PRDM8: variants seen among roughly 807,000 people sequenced by gnomAD.
PRDM8 encodes PR/SET domain 8, also known as PR domain zinc finger protein 8.
A neutral mutation model predicts 46.5 loss-of-function variants in PRDM8; 13 were observed. The ratio of observed to expected loss-of-function variants is 0.28; its 90% CI spans 0.18 to 0.44. The LOEUF (loss-of-function observed/expected upper bound fraction) is 0.44, where lower values mean the gene tolerates loss of function less well. Among genes scored for constraint, PRDM8 ranks in the 20% least tolerant of loss-of-function variants. PRDM8 has a pLI of 1.00. For synonymous variants in PRDM8, 473 were observed against 438.4 expected, an observed-to-expected ratio of 1.08 and a Z score of -0.98; for missense variants, 998 against 955.0, an observed-to-expected ratio of 1.04 and a Z score of -0.59.
upstream of PRDM8, chr4:80,195,949 AGAGAGAGAG>A: frequency 2.0e-6 from 1 of 489,614 alleles, no homozygotes; most frequent in Non-Finnish European, 2.6e-6. Flanking sequence ...AGAGAGAGAG[AGAGAGAGAG>A]AACAAGGAAG....
chr4:80,198,994 G>GT (rs1310531623), intron 1 of PRDM8, among the ~76,000 whole-genome samples: 100 of 63,520 alleles, frequency 1.6e-3, no homozygotes, highest in South Asian at 6.1e-3. Flanking sequence ...TTTTTTTTTT[G>GT]TTTTTTTTTT....
intron 3 of PRDM8, 135 bp downstream of exon 3, chr4:80,201,656 T>A (rs1036248714): frequency 1.0e-6 from 1 of 995,572 alleles, no homozygotes; most frequent in African/African-American, 1.6e-5. Context: ...TGAGATGTAG[T>A]CTGGAATGAA....
chr4:80,198,441 G>C (rs1289978546), intron 1 of PRDM8, among the ~76,000 whole-genome samples: 1 of 152,226 alleles, frequency 6.6e-6, no homozygotes, highest in East Asian at 1.9e-4. Context: ...CGTTGAAAAG[G>C]AGATAAGAGG....
chr4:80,197,182 A>G (rs1578254342), upstream of PRDM8: 2 of 985,368 alleles, frequency 2.0e-6, no homozygotes, highest in East Asian at 2.3e-4. Flanking sequence ...CCAAGTGCCT[A>G]GTGAAACGGG....
intron 1 of PRDM8, chr4:80,191,400 G>A (rs1737532044): frequency 6.6e-6 from 1 of 152,056 alleles, no homozygotes; most frequent in Admixed American, 6.6e-5. Flanking sequence ...TTATTTCTTT[G>A]AAAAATATGA....
At chr4:80,187,688 G>A (rs190456501) in intron 1 of PRDM8, among the ~76,000 whole-genome samples, 15 of 152,260 alleles carry the variant, frequency 9.9e-5, no homozygotes, top group Admixed American at 7.8e-4. Context: ...CGCGTCTGTT[G>A]TTGGGTTATG....
At chr4:80,201,855 TGTGCGTGTGTGTGTGTGTGTGCGTGC>T (rs1256779451) in intron 3 of PRDM8, 33 bp from the exon 4 acceptor site, 44 of 1,599,014 alleles carry the variant, frequency 2.8e-5, no homozygotes, top group Admixed American at 6.7e-5. Flanking sequence ...AATCATGTGG[TGTGCGTGTGTGTGTGTGTGTGCGTGC>T]GTGCGTGTGT....
At chr4:80,192,873 C>A (rs749883421), upstream of PRDM8, among the ~76,000 whole-genome samples, 3 of 152,112 alleles carry the variant, frequency 2.0e-5, no homozygotes, top group Non-Finnish European at 4.4e-5. Flanking sequence ...TACTCAGAGG[C>A]CATTAAGCCA....
Position 80,204,008 on chromosome 4 carries a change from G to A in PRDM8, c.*476G>A, listed in dbSNP as rs1487447337. On this transcript the variant is annotated 3_prime_UTR_variant, in exon 4 of 4. Coordinates refer to ENST00000415738, the MANE Select transcript of PRDM8 (RefSeq NM_001099403.2). ...ATTTTAGATATAAAGTAAAGGAGGA[G>A]GGTGAGATGCTTTCTGCATTTCTTG... The A allele has an allele frequency of 2.0e-5, 3 of 152,896 alleles. No individual in the cohort carries two copies. The highest frequency in any genetic ancestry group is 7.2e-5 in the African/African-American group (3 of 41,404). The allele number at this position is 152,896 out of a possible 1,614,324, so 9.5% of individuals were successfully genotyped here.
Position 80,200,211 on chromosome 4 carries a change from G to A in PRDM8, c.131G>A (p.Cys44Tyr), listed in dbSNP as rs746838534. ...DIPENAIFGP[C>Y]VLSHTSLYDS... ...CCTGAGAATGCTATATTTGGTCCCT[G>A]TGTCCTGAGCCATACTTCCCTATAT... is the stretch of plus-strand genomic sequence containing the variant. Residue 44 changes from cysteine to tyrosine, a missense_variant, in exon 2 of 4, where the codon TGT becomes TAT. Physicochemically the swap from Cys to Tyr is radical, Grantham distance 194. Coordinates refer to ENST00000415738, the MANE Select transcript of PRDM8 (RefSeq NM_001099403.2). 1.9e-6 allele frequency: 3 copies of A among 1,614,080 alleles called. No homozygotes were observed. In the South Asian group the frequency reaches 3.3e-5, roughly 18 times the overall value.
chr4:80,199,494 G>A (rs1738255075), intron 1 of PRDM8, among the ~76,000 whole-genome samples: 1 of 152,072 alleles, frequency 6.6e-6, no homozygotes, highest in African/African-American at 2.4e-5. Flanking sequence ...TAGTGGCCCT[G>A]ACATTCCACT....
intron 1 of PRDM8, among the ~76,000 whole-genome samples, chr4:80,187,244 T>TG (rs1234830907): frequency 0.09 from 8,083 of 89,790 alleles, 1,389 homozygotes; most frequent in African/African-American, 0.33. Flanking sequence ...TTCTCTGCCC[T>TG]GGGGCGGGGG....
Position 80,202,154 on chromosome 4 carries a change from G to A in PRDM8, c.692G>A (p.Gly231Asp). The A allele has an allele frequency of 6.2e-7, 1 of 1,610,040 alleles. No homozygotes were observed. Among genetic ancestry groups the A allele is most frequent in the Non-Finnish European group, 8.5e-7 (1 of 1,179,156 alleles). ...CCGGGTCCCAAGTTTTGCAAAGCCG[G>A]CCCCCTCCACCACTACCCATCCCCC... ...LGPGPKFCKAGPLHHYPSPSP... is the reference protein window; with the variant it reads ...LGPGPKFCKADPLHHYPSPSP... Residue 231 changes from glycine (G) to aspartate (D), a missense_variant, in exon 4 of 4, where the codon GGC (glycine) becomes GAC (aspartate). Transcript: ENST00000415738.
chr4:80,190,683 C>A (rs76719495), intron 1 of PRDM8, among the ~76,000 whole-genome samples: 1 of 152,186 alleles, frequency 6.6e-6, no homozygotes, highest in African/African-American at 2.4e-5. Context: ...AAGACATGGG[C>A]ACCGGACAAT....
chr4:80,200,065 G>A lies in PRDM8; in HGVS notation c.-2-14G>A. The A allele has an allele frequency of 6.3e-7, 1 of 1,598,244 alleles. No individual in the cohort carries two copies. Among genetic ancestry groups the A allele is most frequent in the African/African-American group, 1.3e-5 (1 of 74,662 alleles). The stretch of plus-strand genomic sequence containing the variant: ...AACATAACTCACTTTCTTGTGCTGT[G>A]TGTCTATCTCCAGTGATGGAGGATA... On this transcript the variant is annotated splice_polypyrimidine_tract_variant and intron_variant, in intron 1 of 3. Coordinates refer to ENST00000415738, the MANE Select transcript of PRDM8 (RefSeq NM_001099403.2).
upstream of PRDM8, among the ~76,000 whole-genome samples, chr4:80,193,554 C>T (rs1344140674): frequency 6.6e-6 from 1 of 152,168 alleles, no homozygotes; most frequent in African/African-American, 2.4e-5. Context: ...ATTGACCAGC[C>T]CATCATTTCT....
chr4:80,200,044 T>A, intron 1 of PRDM8, 35 bp from the exon 2 acceptor site: 1 of 1,554,686 alleles, frequency 6.4e-7, no homozygotes. Context: ...AGCAGTAACA[T>A]AACTCACTTT....
chr4:80,197,279 T>G, upstream of PRDM8: 1 of 978,830 alleles, frequency 1.0e-6, no homozygotes, highest in Non-Finnish European at 1.2e-6. Flanking sequence ...GGCCCGAGCT[T>G]TAGGAGGAGG....
At chr4:80,199,709 A>ATATATG (rs370819149) in intron 1 of PRDM8, among the ~76,000 whole-genome samples, 6 of 132,976 alleles carry the variant, frequency 4.5e-5, no homozygotes, top group Non-Finnish European at 6.4e-5. Context: ...ATATATATAT[A>ATATATG]TGTGTGTGTG....
Sources: gnomAD v4.1 joint callset for allele counts (sites outside exome capture counted in the v4.1 genomes callset) on GRCh38, gnomAD v4.1.1 for gene constraint, MANE v1.5 for transcripts, NCBI Gene and HGNC (gene_info 2026-07-23, HGNC 2026-07-21) for gene names.